Variants in USP34 observed in about 807,000 individuals in gnomAD.
The protein encoded by USP34 is ubiquitin carboxyl-terminal hydrolase 34.
In USP34, 70 loss-of-function variants were observed where a neutral mutation model predicts 460.3. The observed-to-expected ratio is 0.15, with a 90% CI of 0.13 to 0.19. The LOEUF is 0.19. Among genes scored for constraint, USP34 ranks in the 10% least tolerant of loss-of-function variants. The probability of loss-of-function intolerance (pLI) is 1.00; values close to 1 mark genes in which losing one functional copy is unlikely to be tolerated. For synonymous variants in USP34, 1,647 were observed against 1,405.3 expected (o/e 1.17, Z -3.85); for missense variants, 3,985 against 4,236.2 (o/e 0.94, Z 1.65).
Position 61,187,926 on chromosome 2 carries a change from C to T in USP34, c.*176G>A, listed in dbSNP as rs1355017867. The T allele has an allele frequency of 1.4e-6, 2 of 1,428,020 alleles. No homozygotes were observed. Among genetic ancestry groups the T allele is most frequent in the African/African-American group, 1.4e-5 (1 of 69,296 alleles). The allele number at this position is 1,428,020 out of a possible 1,614,324, so 88.5% of individuals were successfully genotyped here. On this transcript the variant is annotated 3_prime_UTR_variant, in exon 80 of 80. Transcript: ENST00000398571. The stretch of plus-strand genomic sequence containing the variant: ...CCCTTTAGGAAGTATACTGAAGATG[C>T]AAGTTTTTTTCATCTGGAGTTCTGC...
chr2:61,399,783 G>A (rs1276593910), intron 3 of USP34, among the ~76,000 whole-genome samples: 2 of 145,580 alleles, frequency 1.4e-5, no homozygotes, highest in African/African-American at 2.5e-5. Context: ...TGAGGCCGGT[G>A]AATCGCTTGA....
intron 14 of USP34, 55 bp from the exon 15 acceptor site, chr2:61,348,535 G>T: frequency 6.4e-7 from 1 of 1,556,234 alleles, no homozygotes; most frequent in Non-Finnish European, 8.6e-7. Context: ...AAGAAAAAAG[G>T]TAACCAACAT....
chr2:61,355,602 C>A (rs776512659), intron 10 of USP34, among the ~76,000 whole-genome samples: 14 of 150,706 alleles, frequency 9.3e-5, no homozygotes, highest in Non-Finnish European at 1.3e-4. Context: ...CGAACTGTTT[C>A]ACTACAAAAA....
chr2:61,274,521 G>A (rs939869881), intron 41 of USP34, among the ~76,000 whole-genome samples: 5 of 151,160 alleles, frequency 3.3e-5, no homozygotes, highest in African/African-American at 1.2e-4. Context: ...ATTAGTTAAG[G>A]ACTATAACAT....
chr2:61,413,908 C>A (rs1035072992), intron 2 of USP34, among the ~76,000 whole-genome samples: 3 of 147,024 alleles, frequency 2.0e-5, no homozygotes, highest in African/African-American at 7.6e-5. Context: ...TCCATCCTGG[C>A]GATACAGTGA....
chr2:61,395,531 G>A lies in USP34; in HGVS notation c.553-298C>T, dbSNP rs1159640970. ...TTTAAAATCCCGGCCGGACGCGGTGGCTCACGCCTGTAATCCCAGCACTTT... is the reference window on the plus strand; with the variant it reads ...TTTAAAATCCCGGCCGGACGCGGTGACTCACGCCTGTAATCCCAGCACTTT... On this transcript the variant is annotated intron_variant, in intron 3 of 79. Transcript: ENST00000398571. 2.0e-5 allele frequency among the ~76,000 whole-genome samples: 3 copies of A among 147,624 alleles called. No homozygotes were observed. The South Asian group carries it at 6.2e-4, about 31-fold the overall frequency.
intron 10 of USP34, 52 bp from the exon 11 acceptor site, chr2:61,350,745 A>T (rs557196811): frequency 1.3e-6 from 2 of 1,557,946 alleles, no homozygotes; most frequent in Non-Finnish European, 1.7e-6. Context: ...CAATACATGT[A>T]GATTACCTGA....
chr2:61,326,368 G>A (rs542562038), intron 20 of USP34, among the ~76,000 whole-genome samples: 4 of 152,050 alleles, frequency 2.6e-5, no homozygotes, highest in South Asian at 2.1e-4. Flanking sequence ...CCAGCTAGGC[G>A]TGCGCCACCA....
At chr2:61,251,844 T>A (rs1688591277) in intron 48 of USP34, among the ~76,000 whole-genome samples, 1 of 152,184 alleles carries the variant, frequency 6.6e-6, no homozygotes, top group African/African-American at 2.4e-5. Flanking sequence ...TGGACATTTT[T>A]TTCTTTCTAC....
At chr2:61,276,780 C>T (rs1689384871) in intron 41 of USP34, among the ~76,000 whole-genome samples, 1 of 152,094 alleles carries the variant, frequency 6.6e-6, no homozygotes, top group Admixed American at 6.6e-5. Context: ...AGAAATAGCA[C>T]AAGAAGGAGT....
intron 5 of USP34, among the ~76,000 whole-genome samples, chr2:61,390,046 A>G (rs770329324): frequency 2.6e-5 from 4 of 152,152 alleles, no homozygotes; most frequent in Admixed American, 2.0e-4. Context: ...CTTTGCTAGT[A>G]TATTTGTAAA....
At chr2:61,205,913 A>G in intron 72 of USP34, 104 bp downstream of exon 72, 2 of 835,116 alleles carry the variant, frequency 2.4e-6, no homozygotes, top group Non-Finnish European at 3.8e-6. Context: ...ACACATAAAA[A>G]GCACAAGTAT....
chr2:61,246,255 T>C, intron 50 of USP34, 69 bp downstream of exon 50: 1 of 1,281,174 alleles, frequency 7.8e-7, no homozygotes, highest in Non-Finnish European at 1.0e-6. Flanking sequence ...TTTAGAAAAC[T>C]AAACACTGAA....
intron 3 of USP34, among the ~76,000 whole-genome samples, chr2:61,404,437 G>A (rs1430345607): frequency 4.6e-5 from 7 of 152,074 alleles, no homozygotes; most frequent in Admixed American, 2.0e-4. Flanking sequence ...CTTGTGAACC[G>A]CTTCAAGTAA....
intron 44 of USP34, among the ~76,000 whole-genome samples, chr2:61,257,976 CTTTGT>C (rs1415888685): frequency 6.6e-6 from 1 of 152,124 alleles, no homozygotes; most frequent in Non-Finnish European, 1.5e-5. Context: ...AGAGATTGAA[CTTTGT>C]TTTAATAGCT....
At chr2:61,456,577 G>A (rs9678597) in intron 1 of USP34, among the ~76,000 whole-genome samples, 2,289 of 152,194 alleles carry the variant, frequency 0.015, 72 homozygotes, top group African/African-American at 0.052. Flanking sequence ...AGCACTTTAG[G>A]AAGCCAAAGT....
At chr2:61,193,365 TAAAA>T (rs577314106) in intron 75 of USP34, 58 of 97,242 alleles carry the variant, frequency 6.0e-4, no homozygotes, top group African/African-American at 1.8e-3. Context: ...AGGGGAAAGG[TAAAA>T]AAAAAAAAAA....
At chr2:61,296,773 G>T in intron 30 of USP34, 27 bp downstream of exon 30, 1 of 1,604,508 alleles carries the variant, frequency 6.2e-7, no homozygotes. Context: ...CAGCCTCTAG[G>T]AGAGTAAAGA....
At chr2:61,309,323 C>T (rs763900700) in intron 27 of USP34, among the ~76,000 whole-genome samples, 4 of 152,164 alleles carry the variant, frequency 2.6e-5, no homozygotes, top group Non-Finnish European at 4.4e-5. Flanking sequence ...GAAACACACA[C>T]ACAAAGACAA....
Sources: gnomAD v4.1 joint callset for allele counts (sites outside exome capture counted in the v4.1 genomes callset) on GRCh38, gnomAD v4.1.1 for gene constraint, MANE v1.5 for transcripts, NCBI Gene and HGNC (gene_info 2026-07-23, HGNC 2026-07-21) for gene names.